UBXN2A: variants seen among roughly 807,000 people sequenced by gnomAD.
The protein encoded by UBXN2A is UBX domain-containing protein 2A.
UBXN2A carries 28 observed loss-of-function variants against 28.4 expected under a neutral mutation model. That is an observed-to-expected ratio of 0.99 (90% CI 0.73 to 1.35). The LOEUF is 1.35. UBXN2A is among the 40% of genes most tolerant of loss of function. The pLI, the probability that UBXN2A is intolerant of heterozygous loss-of-function variation, is 0.00. For synonymous variants in UBXN2A, 97 were observed against 103.6 expected (o/e 0.94, Z 0.39); for missense variants, 253 against 297.9 (o/e 0.85, Z 1.11).
intron 2 of UBXN2A, among the ~76,000 whole-genome samples, chr2:23,967,798 A>G (rs112310777): frequency 2.6e-5 from 4 of 152,236 alleles, no homozygotes; most frequent in African/African-American, 9.6e-5. Flanking sequence ...TGGAAAAGGC[A>G]TAATACTTTG....
In UBXN2A at chr2:24,000,153, AAT is replaced by A. The variant is rs1306117963; in HGVS notation, c.*289_*290del. 24 of 328,798 alleles carry A rather than the reference AAT, an allele frequency of 7.3e-5. No homozygotes were observed. Among genetic ancestry groups the A allele is most frequent in the African/African-American group, 5.1e-4 (24 of 47,104 alleles). The allele number at this position is 328,798 out of a possible 1,614,324, so 20.4% of individuals were successfully genotyped here. ...AAATAGCTGTATTGTTTAGAATCTT[AAT>A]ATGGTATAAATTAGCATATGTATTC... On this transcript the variant is annotated 3_prime_UTR_variant, in exon 7 of 7. Coordinates refer to ENST00000309033, the MANE Select transcript of UBXN2A (RefSeq NM_181713.4).
chr2:23,940,831 C>G (rs1379859131), intron 1 of UBXN2A, among the ~76,000 whole-genome samples, 183 bp downstream of exon 1: 2 of 151,834 alleles, frequency 1.3e-5, no homozygotes, highest in Non-Finnish European at 2.9e-5. Context: ...GCGGCGGAGC[C>G]CGAGCCAGGG....
intron 4 of UBXN2A, among the ~76,000 whole-genome samples, chr2:23,978,962 C>CAAA (rs113906713): frequency 7.1e-6 from 1 of 139,960 alleles, no homozygotes; most frequent in Admixed American, 7.3e-5. Context: ...GATTCCATCT[C>CAAA]AAAAAAAAAA....
chr2:23,946,579 C>T (rs1706092006), intron 1 of UBXN2A, among the ~76,000 whole-genome samples: 1 of 151,994 alleles, frequency 6.6e-6, no homozygotes, highest in African/African-American at 2.4e-5. Flanking sequence ...CCTCAGCCTC[C>T]TAAAGAGCTG....
intron 6 of UBXN2A, among the ~76,000 whole-genome samples, chr2:23,990,725 A>G (rs1009780172): frequency 9.9e-5 from 15 of 151,440 alleles, no homozygotes; most frequent in Non-Finnish European, 1.5e-5. Flanking sequence ...AGTGAGCTGA[A>G]ATCACACCAC....
chr2:23,947,791 G>C (rs1020359156), intron 1 of UBXN2A, among the ~76,000 whole-genome samples: 3 of 152,158 alleles, frequency 2.0e-5, no homozygotes, highest in African/African-American at 7.2e-5. Flanking sequence ...TTTGTCATTA[G>C]TTTTAAATCA....
intron 2 of UBXN2A, among the ~76,000 whole-genome samples, chr2:23,970,902 A>C (rs947425673): frequency 2.0e-5 from 3 of 152,102 alleles, no homozygotes; most frequent in African/African-American, 7.2e-5. Context: ...TCAGGTGGTA[A>C]TGTGAGCGAT....
At chr2:23,941,948 G>T (rs1171243945) in intron 1 of UBXN2A, among the ~76,000 whole-genome samples, 41 of 152,066 alleles carry the variant, frequency 2.7e-4, no homozygotes, top group Admixed American at 2.7e-3. Context: ...GTGATGGGGG[G>T]CGTCTGTAAT....
intron 1 of UBXN2A, among the ~76,000 whole-genome samples, chr2:23,934,428 A>C (rs1243363166): frequency 6.6e-6 from 1 of 152,214 alleles, no homozygotes; most frequent in Admixed American, 6.5e-5. Context: ...GACAGTGCTG[A>C]CCTAGATATT....
At chr2:23,946,382 G>A (rs532104699) in intron 1 of UBXN2A, among the ~76,000 whole-genome samples, 3 of 151,388 alleles carry the variant, frequency 2.0e-5, no homozygotes, top group South Asian at 2.1e-4. Context: ...GTGCAGTGGC[G>A]TGATCTCGGC....
At chr2:23,931,118 C>G (rs913857667) in intron 1 of UBXN2A, among the ~76,000 whole-genome samples, 2 of 152,070 alleles carry the variant, frequency 1.3e-5, no homozygotes, top group Non-Finnish European at 2.9e-5. Flanking sequence ...CTGCACTGCA[C>G]TCCAGCCTGG....
intron 2 of UBXN2A, among the ~76,000 whole-genome samples, chr2:23,965,259 A>C (rs1021715040): frequency 7.9e-5 from 12 of 152,174 alleles, no homozygotes; most frequent in African/African-American, 2.7e-4. Flanking sequence ...AACACTGATG[A>C]GGAATGGTGA....
At chr2:23,947,335 G>A (rs1706136798) in intron 1 of UBXN2A, among the ~76,000 whole-genome samples, 1 of 152,172 alleles carries the variant, frequency 6.6e-6, no homozygotes, top group Non-Finnish European at 1.5e-5. Flanking sequence ...TAGTATTTGA[G>A]AAGATGTTCG....
At chr2:23,954,005 T>C (rs992392072) in intron 1 of UBXN2A, among the ~76,000 whole-genome samples, 3 of 152,200 alleles carry the variant, frequency 2.0e-5, no homozygotes, top group East Asian at 1.9e-4. Context: ...TTGGAGACAT[T>C]ATAATTTTTT....
At chr2:23,976,887 G>A in intron 3 of UBXN2A, 82 bp from the exon 4 acceptor site, 1 of 1,213,162 alleles carries the variant, frequency 8.2e-7, no homozygotes, top group Non-Finnish European at 1.2e-6. Flanking sequence ...GGCCTGAATA[G>A]TGATAGAAGA....
chr2:23,961,293 A>G (rs528079793), intron 2 of UBXN2A, among the ~76,000 whole-genome samples: 13 of 151,172 alleles, frequency 8.6e-5, no homozygotes, highest in Non-Finnish European at 1.6e-4. Context: ...ATGGGGTTTC[A>G]CCATGTTGTC....
intron 6 of UBXN2A, among the ~76,000 whole-genome samples, chr2:23,989,530 G>A (rs530800077): frequency 2.2e-4 from 33 of 151,706 alleles, no homozygotes; most frequent in African/African-American, 7.7e-4. Context: ...TAGGATTACA[G>A]GCATGAGCCA....
At chr2:23,927,519 C>G (rs1343727132) in exon 1 of UBXN2A, 1 of 151,504 alleles carries the variant, frequency 6.6e-6, no homozygotes, top group Non-Finnish European at 1.5e-5. Flanking sequence ...CTACCCGAGG[C>G]AAGACACTGA....
At chr2:23,987,139 CAT>C (rs1347638677) in intron 6 of UBXN2A, among the ~76,000 whole-genome samples, 1 of 151,528 alleles carries the variant, frequency 6.6e-6, no homozygotes, top group African/African-American at 2.4e-5. Flanking sequence ...AAAATAGAAA[CAT>C]GTCATATATA....
Sources: allele counts gnomAD v4.1 joint callset (sites outside exome capture counted in the v4.1 genomes callset), GRCh38; gene constraint gnomAD v4.1.1; transcripts MANE v1.5; gene names NCBI Gene and HGNC (gene_info 2026-07-23, HGNC 2026-07-21).